Variants in MTUS2 observed in about 807,000 individuals in gnomAD.
The protein encoded by MTUS2 is microtubule associated scaffold protein 2, also known as microtubule-associated tumor suppressor candidate 2.
MTUS2 carries 40 observed loss-of-function variants against 114.1 expected under a neutral mutation model. That is an observed-to-expected ratio of 0.35 (90% CI 0.27 to 0.46). The LOEUF (loss-of-function observed/expected upper bound fraction) is 0.46, where lower values mean the gene tolerates loss of function less well. Among genes scored for constraint, MTUS2 ranks in the 20% least tolerant of loss-of-function variants. MTUS2 has a pLI of 1.00. For synonymous variants in MTUS2, 688 were observed against 672.0 expected (o/e 1.02, Z -0.37); for missense variants, 1,679 against 1,705.4 (o/e 0.98, Z 0.27).
At chr13:29,204,698 C>A (rs944273488) in intron 5 of MTUS2, among the ~76,000 whole-genome samples, 3 of 152,220 alleles carry the variant, frequency 2.0e-5, no homozygotes, top group Non-Finnish European at 4.4e-5. Flanking sequence ...CTCAGGTAGC[C>A]GCCCATGACA....
At chr13:29,115,292 C>T (rs531156281) in intron 5 of MTUS2, among the ~76,000 whole-genome samples, 1 of 152,286 alleles carries the variant, frequency 6.6e-6, no homozygotes, top group East Asian at 1.9e-4. Context: ...ATATGCAGGT[C>T]GTACATTTGT....
At chr13:29,133,658 A>T (rs1891857626) in intron 5 of MTUS2, among the ~76,000 whole-genome samples, 1 of 152,232 alleles carries the variant, frequency 6.6e-6, no homozygotes, top group Non-Finnish European at 1.5e-5. Flanking sequence ...TCATTTGACC[A>T]TAAATGTAAG....
chr13:29,072,079 C>T (rs1888966407), intron 4 of MTUS2: 1 of 152,286 alleles, frequency 6.6e-6, no homozygotes, highest in Admixed American at 6.5e-5. Flanking sequence ...ATTGCTGTCT[C>T]ATCTGCTGCA....
chr13:29,439,930 G>A, intron 8 of MTUS2, 53 bp from the exon 9 acceptor site: 1 of 1,325,264 alleles, frequency 7.5e-7, no homozygotes, highest in Non-Finnish European at 1.1e-6. Context: ...ATGTGAAAGT[G>A]CTTATCTAGC....
intron 7 of MTUS2, among the ~76,000 whole-genome samples, chr13:29,333,392 T>C (rs980494963): frequency 7.9e-5 from 12 of 152,104 alleles, no homozygotes; most frequent in Non-Finnish European, 1.6e-4. Context: ...AGATGGGGTT[T>C]CTCCATGTTG....
intron 8 of MTUS2, among the ~76,000 whole-genome samples, chr13:29,403,094 C>T (rs979593647): frequency 1.3e-5 from 2 of 152,210 alleles, no homozygotes; most frequent in African/African-American, 4.8e-5. Context: ...TGTCCTCAGC[C>T]CATCTCACTT....
chr13:29,034,814 T>C (rs762209512), intron 4 of MTUS2, among the ~76,000 whole-genome samples: 5 of 152,218 alleles, frequency 3.3e-5, no homozygotes, highest in Admixed American at 6.5e-5. Context: ...GATGCTGTCC[T>C]TCACCAAGCT....
At chr13:29,202,399 A>G (rs112643176) in intron 5 of MTUS2, among the ~76,000 whole-genome samples, 9 of 151,964 alleles carry the variant, frequency 5.9e-5, no homozygotes, top group African/African-American at 2.2e-4. Flanking sequence ...CCAGTTAGCA[A>G]TTCCTCTCAC....
rs564881747 is a variant in MTUS2 at position 29,354,693 on chromosome 13, A to G, written c.2906-4569A>G. On this transcript the variant is annotated intron_variant, in intron 7 of 15. Coordinates refer to ENST00000612955, the MANE Select transcript of MTUS2 (RefSeq NM_001033602.4). The stretch of plus-strand genomic sequence containing the variant: ...TAATTTCTGCCCCGACCTGTACTTA[A>G]GACCAGCTGGAAGGAAATCCCCACC... Among the ~76,000 whole-genome samples the G allele has an allele frequency of 1.2e-4, 19 of 152,316 alleles. No homozygotes were observed. In the South Asian group the frequency reaches 3.7e-3, roughly 30 times the overall value.
At chr13:29,454,002 G>T (rs1376260129) in intron 9 of MTUS2, among the ~76,000 whole-genome samples, 1 of 152,148 alleles carries the variant, frequency 6.6e-6, no homozygotes, top group Non-Finnish European at 1.5e-5. Flanking sequence ...TGCTTAATTT[G>T]GCAGATGATT....
At chr13:29,220,793 T>C (rs1895876645) in intron 5 of MTUS2, among the ~76,000 whole-genome samples, 2 of 152,148 alleles carry the variant, frequency 1.3e-5, no homozygotes, top group African/African-American at 4.8e-5. Flanking sequence ...AGAATGAACA[T>C]GTGTTGTTGG....
intron 2 of MTUS2, among the ~76,000 whole-genome samples, chr13:28,851,340 G>T (rs74989160): frequency 0.051 from 7,740 of 152,262 alleles, 276 homozygotes; most frequent in African/African-American, 0.099. Flanking sequence ...TCCATTGACC[G>T]TGATGGAATT....
intron 5 of MTUS2, among the ~76,000 whole-genome samples, chr13:29,237,116 A>C (rs1215942361): frequency 2.0e-5 from 3 of 152,080 alleles, no homozygotes; most frequent in African/African-American, 7.2e-5. Context: ...GCTTACTTCT[A>C]TTTTAGGTAT....
intron 5 of MTUS2, among the ~76,000 whole-genome samples, chr13:29,151,088 G>A (rs891554712): frequency 6.6e-6 from 1 of 152,042 alleles, no homozygotes; most frequent in South Asian, 2.1e-4. Context: ...AAATTATATT[G>A]GCAGTTTGAT....
intron 8 of MTUS2, among the ~76,000 whole-genome samples, chr13:29,375,525 AT>A (rs1172025304): frequency 2.7e-5 from 1 of 36,946 alleles, no homozygotes; most frequent in African/African-American, 1.7e-4. Flanking sequence ...CTATATATAT[AT>A]ATATATATAT....
chr13:28,821,705 C>A (rs1435052322), intron 1 of MTUS2, among the ~76,000 whole-genome samples: 1 of 152,230 alleles, frequency 6.6e-6, no homozygotes, highest in Non-Finnish European at 1.5e-5. Context: ...GTGATTCTAA[C>A]GTGTAGCCAG....
intron 2 of MTUS2, among the ~76,000 whole-genome samples, chr13:28,992,674 G>T (rs1884914831): frequency 6.6e-6 from 1 of 152,126 alleles, no homozygotes; most frequent in Non-Finnish European, 1.5e-5. Context: ...TCCCTCGCAT[G>T]CTCCCCTGGG....
intron 5 of MTUS2, among the ~76,000 whole-genome samples, chr13:29,131,039 T>C (rs1891740995): frequency 6.6e-6 from 1 of 152,230 alleles, no homozygotes; most frequent in South Asian, 2.1e-4. Context: ...CAGCTGTGTA[T>C]GGCACTCAGG....
Position 29,503,578 on chromosome 13 carries a change from A to G in MTUS2, c.*372A>G. The stretch of plus-strand genomic sequence containing the variant: ...TATGTGTGTATATTTAGATATACGT[A>G]TATACACATGCTGCGGTTCTGAATT... On this transcript the variant is annotated 3_prime_UTR_variant, in exon 16 of 16. Coordinates refer to ENST00000612955, the MANE Select transcript of MTUS2 (RefSeq NM_001033602.4). 1 of 317,102 alleles carries G rather than the reference A, an allele frequency of 3.2e-6. No homozygotes were observed. Among genetic ancestry groups the G allele is most frequent in the Non-Finnish European group, 5.9e-6 (1 of 169,292 alleles). 19.6% of individuals were successfully genotyped at this position (317,102 alleles called of 1,614,324 possible). A position where few individuals can be genotyped will look rare whatever the true frequency, so the allele number is the denominator to read the frequency against.
Sources: gnomAD v4.1 joint callset for allele counts (sites outside exome capture counted in the v4.1 genomes callset) on GRCh38, gnomAD v4.1.1 for gene constraint, MANE v1.5 for transcripts, NCBI Gene and HGNC (gene_info 2026-07-23, HGNC 2026-07-21) for gene names.